Variants in HDAC4 observed in about 807,000 individuals in gnomAD.
The protein encoded by HDAC4 is histone deacetylase A.
Under a neutral mutation model 135.1 loss-of-function variants are expected in HDAC4, and 16 were observed. The ratio of observed to expected loss-of-function variants is 0.12; its 90% CI spans 0.08 to 0.18. HDAC4 has a LOEUF of 0.18. HDAC4 is among the 10% of genes least tolerant of loss of function. HDAC4 has a pLI of 1.00. For missense variants in HDAC4, 1,143 were observed against 1,511.8 expected, an observed-to-expected ratio of 0.76 and a Z score of 4.05; for synonymous variants, 685 against 653.4, an observed-to-expected ratio of 1.05 and a Z score of -0.74.
chr2:239,067,087 A>G (rs1290317367), intron 23 of HDAC4: 2 of 605,102 alleles, frequency 3.3e-6, no homozygotes, highest in Admixed American at 2.9e-5. Context: ...TAATCAGCAA[A>G]TCATCTGCTT....
chr2:239,115,305 G>A lies in HDAC4; in HGVS notation c.1539C>T (p.Ile513=). ...GCCGGGCTGGCTCGCTTGGCTTGGG[G>A]ATGATCTGCAAGGCGGAGGTAACAC... The part of the protein sequence containing the change: ...QQQQLQMNKI[I]PKPSEPARQP... Residue 513 remains isoleucine (I), a synonymous_variant, in exon 13 of 27, where the codon ATC becomes ATT. Transcript: ENST00000543185. This position sits in a 1 kb window ranked among gnomAD's most constrained non-coding sequence, Gnocchi z 6.3. 6.2e-7 allele frequency: 1 copy of A among 1,613,224 alleles called. No homozygotes were observed. The highest frequency in any genetic ancestry group is 1.7e-5 in the Admixed American group (1 of 60,026).
intron 14 of HDAC4, among the ~76,000 whole-genome samples, chr2:239,111,032 A>G (rs2038621415): frequency 1.3e-5 from 2 of 152,262 alleles, no homozygotes; most frequent in South Asian, 4.1e-4. Flanking sequence ...GCACAGACAG[A>G]GGACGTGTGG....
chr2:239,114,696 A>G (rs1219198763), intron 13 of HDAC4, among the ~76,000 whole-genome samples: 1 of 152,036 alleles, frequency 6.6e-6, no homozygotes, highest in Admixed American at 6.5e-5. Context: ...ATCAATTAAT[A>G]CCTCTAGTTC....
At chr2:239,394,410 ACTT>A (rs1182648320) in intron 1 of HDAC4, among the ~76,000 whole-genome samples, 3 of 152,178 alleles carry the variant, frequency 2.0e-5, no homozygotes, top group African/African-American at 7.2e-5. Flanking sequence ...GCAGAGAAAA[ACTT>A]CTTCATAAAA....
chr2:239,134,070 G>T (rs1256481591), intron 11 of HDAC4, among the ~76,000 whole-genome samples, 175 bp downstream of exon 11: 1 of 152,150 alleles, frequency 6.6e-6, no homozygotes, highest in Non-Finnish European at 1.5e-5. Context: ...AGTGAGGCAT[G>T]GATTTTCACT....
At chr2:239,397,353 G>A (rs951981218) in intron 1 of HDAC4, among the ~76,000 whole-genome samples, 8 of 152,200 alleles carry the variant, frequency 5.3e-5, no homozygotes, top group East Asian at 1.9e-4. Flanking sequence ...GAAACAGCAC[G>A]AGCCCCAAGC....
intron 2 of HDAC4, among the ~76,000 whole-genome samples, chr2:239,279,059 T>C (rs1365101569): frequency 6.6e-6 from 1 of 152,242 alleles, no homozygotes; most frequent in East Asian, 1.9e-4. Context: ...GGCCACACCC[T>C]GCCCCAGGCG....
chr2:239,164,260 T>C (rs2042993751), intron 5 of HDAC4, among the ~76,000 whole-genome samples: 1 of 152,252 alleles, frequency 6.6e-6, no homozygotes, highest in Non-Finnish European at 1.5e-5. Flanking sequence ...GGCAGCGTGG[T>C]GGTTGCATTC....
chr2:239,207,454 C>T (rs1187450882), intron 3 of HDAC4, among the ~76,000 whole-genome samples: 3 of 151,988 alleles, frequency 2.0e-5, no homozygotes, highest in African/African-American at 7.2e-5. Flanking sequence ...GTGATTCTCT[C>T]AAAAGACCAA....
intron 2 of HDAC4, among the ~76,000 whole-genome samples, chr2:239,347,651 A>C (rs1692809263): frequency 6.6e-6 from 1 of 152,116 alleles, no homozygotes; most frequent in Non-Finnish European, 1.5e-5. Flanking sequence ...AGTAGCTGGG[A>C]CTACAGGCGC....
intron 2 of HDAC4, among the ~76,000 whole-genome samples, chr2:239,237,229 G>A (rs1057475228): frequency 1.3e-5 from 2 of 151,988 alleles, no homozygotes; most frequent in African/African-American, 4.8e-5. Flanking sequence ...ATTATGGAGC[G>A]GTTTCCATCT....
chr2:239,220,631 G>A (rs1178628544), intron 3 of HDAC4, among the ~76,000 whole-genome samples: 2 of 152,086 alleles, frequency 1.3e-5, no homozygotes, highest in Non-Finnish European at 1.5e-5. Flanking sequence ...CAGAGTTAGC[G>A]AGAGGAATAT....
chr2:239,221,702 G>T (rs1322554959), intron 3 of HDAC4, among the ~76,000 whole-genome samples: 1 of 151,880 alleles, frequency 6.6e-6, no homozygotes, highest in African/African-American at 2.4e-5. Flanking sequence ...ATTCTTAAGG[G>T]TCCCCTAAAT....
chr2:239,185,847 A>G (rs2044517325), intron 4 of HDAC4, among the ~76,000 whole-genome samples: 1 of 152,156 alleles, frequency 6.6e-6, no homozygotes, highest in Admixed American at 6.5e-5. Context: ...CCTGGCCAAC[A>G]TGGGAAAAAC....
At chr2:239,184,254 C>T (rs2044345006) in intron 4 of HDAC4, among the ~76,000 whole-genome samples, 1 of 152,178 alleles carries the variant, frequency 6.6e-6, no homozygotes, top group Non-Finnish European at 1.5e-5. Context: ...ACAAAAGGTG[C>T]CCTGTACCTG....
At chr2:239,366,856 T>C (rs1247832562) in intron 1 of HDAC4, among the ~76,000 whole-genome samples, 2 of 136,812 alleles carry the variant, frequency 1.5e-5, no homozygotes, top group Non-Finnish European at 2.9e-5. Flanking sequence ...CCAGGGCAGG[T>C]GACAAACAGC....
chr2:239,157,120 C>T (rs1020135209), intron 6 of HDAC4, among the ~76,000 whole-genome samples: 1 of 152,202 alleles, frequency 6.6e-6, no homozygotes, highest in Non-Finnish European at 1.5e-5. Context: ...ACTGGCCACT[C>T]AGAGAGCCTA....
At chr2:239,298,417 C>T in intron 2 of HDAC4, 1 of 1,171,402 alleles carries the variant, frequency 8.5e-7, no homozygotes, top group Non-Finnish European at 1.1e-6. Context: ...ACAGGGTATC[C>T]TGAAGTTCAA....
At position 239,052,986 on chromosome 2, in the gene HDAC4, G is replaced by GGT. The variant is rs1178220736; in HGVS notation, c.*109_*110dup. On this transcript the variant is annotated 3_prime_UTR_variant, in exon 27 of 27. Transcript: ENST00000543185. ...GGCTGTTGCACGCTGGGTGTCCCTG[G>GGT]GTGCTCCAAGAGAGCCCCACGGTGG... 1 of 1,298,870 alleles carries GGT rather than the reference G, an allele frequency of 7.7e-7. No homozygotes were observed. Among genetic ancestry groups the GGT allele is most frequent in the Admixed American group, 1.7e-5 (1 of 59,436 alleles). The allele number at this position is 1,298,870 out of a possible 1,614,324, so 80.5% of individuals were successfully genotyped here. A position where few individuals can be genotyped will look rare whatever the true frequency, so the allele number is the denominator to read the frequency against.
Sources: gnomAD v4.1 joint callset for allele counts (sites outside exome capture counted in the v4.1 genomes callset) on GRCh38, gnomAD v4.1.1 for gene constraint, Gnocchi (gnomAD v3.1) non-coding constraint, MANE v1.5 for transcripts, NCBI Gene and HGNC (gene_info 2026-07-23, HGNC 2026-07-21) for gene names.